TNIP1: variants seen among roughly 807,000 people sequenced by gnomAD.
TNIP1 encodes the protein TNFAIP3 interacting protein 1, also known as TNFAIP3-interacting protein 1.
TNIP1 carries 22 observed loss-of-function variants against 86.6 expected under a neutral mutation model. The observed-to-expected ratio is 0.25, with a 90% confidence interval of 0.18 to 0.36. TNIP1 has a LOEUF of 0.36. Ranked by LOEUF, TNIP1 falls within the 10% of genes least tolerant of loss-of-function variation. TNIP1 has a pLI of 1.00. For missense variants in TNIP1, 709 were observed against 820.6 expected, an observed-to-expected ratio of 0.86 and a Z score of 1.66; for synonymous variants, 294 against 313.0, an observed-to-expected ratio of 0.94 and a Z score of 0.64.
intron 9 of TNIP1, among the ~76,000 whole-genome samples, chr5:151,045,574 A>T (rs1759051124): frequency 6.6e-6 from 1 of 152,158 alleles, no homozygotes; most frequent in Non-Finnish European, 1.5e-5. Context: ...CCACCATCCA[A>T]GGTCTACCAT....
intron 1 of TNIP1, among the ~76,000 whole-genome samples, chr5:151,070,129 C>G (rs1338977391): frequency 1.3e-5 from 2 of 152,148 alleles, no homozygotes; most frequent in African/African-American, 4.8e-5. Flanking sequence ...ATCTGTAAAG[C>G]AGGAGTAATA....
rs138466555 is a variant in TNIP1 at position 151,060,424 on chromosome 5, C to T, written c.358-29G>A. ...TGCAGAAAGGAAGTTAGGTGCTGCCCGAGAGAAAAACAGCTCACCCCTCCT... is the reference window on the plus strand; with the variant it reads ...TGCAGAAAGGAAGTTAGGTGCTGCCTGAGAGAAAAACAGCTCACCCCTCCT... On this transcript the variant is annotated intron_variant, in intron 4 of 17. Transcript: ENST00000521591. The T allele has an allele frequency of 2.4e-4, 389 of 1,611,910 alleles. 2 individuals carry two copies. In the African/African-American group the frequency reaches 4.0e-3, roughly 17 times the overall value.
In TNIP1 at chr5:151,052,213, T is replaced by C. The variant is rs1381853643; in HGVS notation, c.674A>G (p.Lys225Arg). ...LRKENEALKA[K>R]LDKGLEQRDQ... ...CCGCTGTTCCAGGCCCTTATCCAAC[T>C]TGGCCTTCAGAGCCTCGTTCTCCTT... Residue 225 changes from lysine to arginine, a missense_variant, in exon 7 of 18, where the codon AAG becomes AGG. Physicochemically the swap from Lys to Arg is conservative, Grantham distance 26. Transcript: ENST00000521591. The C allele has an allele frequency of 1.2e-6, 2 of 1,614,056 alleles. No homozygotes were observed. Among genetic ancestry groups the C allele is most frequent in the Non-Finnish European group, 1.7e-6 (2 of 1,179,980 alleles).
Position 151,063,762 on chromosome 5 carries a change from G to A in TNIP1, c.137-15C>T. On this transcript the variant is annotated splice_polypyrimidine_tract_variant and intron_variant, in intron 2 of 17. Transcript: ENST00000521591. Reference sequence around the variant, plus strand: ...CAAAAGCTCCCCTAGAGTTATTGGGGAAGAGGAAGCAAAAGCATTTACTCG... The same window carrying A: ...CAAAAGCTCCCCTAGAGTTATTGGGAAAGAGGAAGCAAAAGCATTTACTCG... 1.2e-6 allele frequency: 2 copies of A among 1,609,558 alleles called. No homozygotes were observed. Among genetic ancestry groups the A allele is most frequent in the Non-Finnish European group, 1.7e-6 (2 of 1,176,512 alleles).
At position 151,032,383 on chromosome 5, in the gene TNIP1, G is replaced by A. The variant is rs772854284; in HGVS notation, c.1780C>T (p.Pro594Ser). ...PLPNSRLFHL[P>S]EYTWRLPCGG... Reference sequence around the variant, plus strand: ...CAGGGTAGACGCCAGGTGTATTCCGGCTGCGACAAAACTGGTGCTTAATAA... The same window carrying A: ...CAGGGTAGACGCCAGGTGTATTCCGACTGCGACAAAACTGGTGCTTAATAA... The change falls in exon 17 of 18, where the codon CCG becomes TCG. Residue 594 changes from proline (P) to serine (S), a missense_variant and splice_region_variant. Coordinates refer to ENST00000521591, the MANE Select transcript of TNIP1 (RefSeq NM_006058.5). 6.2e-7 allele frequency: 1 copy of A among 1,613,980 alleles called. No individual in the cohort carries two copies. Among genetic ancestry groups the A allele is most frequent in the South Asian group, 1.1e-5 (1 of 91,048 alleles).
At chr5:151,062,573 T>G (rs947118938) in intron 3 of TNIP1, among the ~76,000 whole-genome samples, 1 of 152,180 alleles carries the variant, frequency 6.6e-6, no homozygotes, top group Non-Finnish European at 1.5e-5. Context: ...TATCCCCATT[T>G]TAAAGGTCAG....
At chr5:151,086,596 C>A (rs1187286188) in intron 1 of TNIP1, among the ~76,000 whole-genome samples, 1 of 152,184 alleles carries the variant, frequency 6.6e-6, no homozygotes, top group Non-Finnish European at 1.5e-5. Context: ...GATACACACA[C>A]AAATACACAC....
chr5:151,037,024 A>G, intron 12 of TNIP1, 103 bp from the exon 13 acceptor site: 1 of 1,385,950 alleles, frequency 7.2e-7, no homozygotes, highest in African/African-American at 1.5e-5. Context: ...TAATCATACT[A>G]ATAATAGCCA....
Position 151,060,425 on chromosome 5 carries a change from G to A in TNIP1, c.358-30C>T, listed in dbSNP as rs367735068. 160 of 1,610,718 alleles carry A rather than the reference G, an allele frequency of 9.9e-5. 1 individual carries two copies. Among genetic ancestry groups the A allele is most frequent in the South Asian group, 7.4e-4 (67 of 90,988 alleles). ...GCAGAAAGGAAGTTAGGTGCTGCCC[G>A]AGAGAAAAACAGCTCACCCCTCCTC... On this transcript the variant is annotated intron_variant, in intron 4 of 17. Transcript: ENST00000521591.
chr5:151,030,624 A>G lies in TNIP1; in HGVS notation c.*89T>C. 1 of 1,602,104 alleles carries G rather than the reference A, an allele frequency of 6.2e-7. No homozygotes were observed. Among genetic ancestry groups the G allele is most frequent in the Non-Finnish European group, 8.5e-7 (1 of 1,173,126 alleles). ...CTCTCATCCAGCTGAGGCTCTGGCC[A>G]CACCGTGCAAGTGGCTTCTAGTTTC... On this transcript the variant is annotated 3_prime_UTR_variant, in exon 18 of 18. Transcript: ENST00000521591.
intron 1 of TNIP1, among the ~76,000 whole-genome samples, chr5:151,068,803 C>T (rs1561531773): frequency 6.7e-6 from 1 of 149,962 alleles, no homozygotes; most frequent in Non-Finnish European, 1.5e-5. Flanking sequence ...CAGGCCCCCA[C>T]CACATCTTCT....
At chr5:151,074,326 T>C (rs1481981202) in intron 1 of TNIP1, among the ~76,000 whole-genome samples, 2 of 152,198 alleles carry the variant, frequency 1.3e-5, no homozygotes, top group South Asian at 2.1e-4. Flanking sequence ...CGCAGGAGGA[T>C]GGCCTGAAAC....
chr5:151,060,471 C>T (rs1581855142), intron 4 of TNIP1, 76 bp from the exon 5 acceptor site: 2 of 1,335,006 alleles, frequency 1.5e-6, no homozygotes, highest in Non-Finnish European at 2.1e-6. Context: ...TGGCTGAGAG[C>T]AGCAAGGGGG....
At chr5:151,037,068 A>G in intron 12 of TNIP1, 147 bp from the exon 13 acceptor site, 1 of 964,018 alleles carries the variant, frequency 1.0e-6, no homozygotes. Context: ...ATGCTGCCCT[A>G]TTTATTTGCA....
In TNIP1 at chr5:151,052,260, C is replaced by G; in HGVS notation, c.628-1G>C. On this transcript the variant is annotated splice_acceptor_variant, in intron 6 of 17. Transcript: ENST00000521591. LOFTEE classifies it high-confidence loss of function. Reference sequence around the variant, plus strand: ...CCTTCCGAAGCTGCTCACACAGGGTCTGTGGGGCAGGGGAACAGACAGGGT... The same window carrying G: ...CCTTCCGAAGCTGCTCACACAGGGTGTGTGGGGCAGGGGAACAGACAGGGT... 6.2e-7 allele frequency: 1 copy of G among 1,613,282 alleles called. No individual in the cohort carries two copies. Among genetic ancestry groups the G allele is most frequent in the South Asian group, 1.1e-5 (1 of 90,886 alleles).
At position 151,072,317 on chromosome 5, in the gene TNIP1, T is replaced by C. The variant is rs573535785; in HGVS notation, c.-36-7186A>G. 9.9e-5 allele frequency among the ~76,000 whole-genome samples: 15 copies of C among 152,254 alleles called. No individual in the cohort carries two copies. The South Asian group carries it at 2.9e-3, about 29-fold the overall frequency. ...GTCTCTAGCTTTATATGCAACCAGG[T>C]GGCAATCTGCCCCACATCACCTGCA... On this transcript the variant is annotated intron_variant, in intron 1 of 17. Coordinates refer to ENST00000521591, the MANE Select transcript of TNIP1 (RefSeq NM_006058.5).
At chr5:151,081,711 A>G (rs545183466), upstream of TNIP1, among the ~76,000 whole-genome samples, 195 of 152,284 alleles carry the variant, frequency 1.3e-3, 2 homozygotes, top group South Asian at 0.016. Flanking sequence ...TTGAGTCACA[A>G]AAAGGTTAGA....
chr5:151,082,907 A>G (rs1393926639), upstream of TNIP1, among the ~76,000 whole-genome samples: 1 of 152,228 alleles, frequency 6.6e-6, no homozygotes, highest in Non-Finnish European at 1.5e-5. Flanking sequence ...GTTAGAGACC[A>G]TGGAGCCCAT....
intron 1 of TNIP1, among the ~76,000 whole-genome samples, chr5:151,079,426 C>G (rs1050033295): frequency 3.9e-5 from 6 of 152,240 alleles, no homozygotes; most frequent in African/African-American, 1.4e-4. Context: ...GAGTTTGAGA[C>G]CAGCCTGGCC....
Sources: gnomAD v4.1 joint callset for allele counts (sites outside exome capture counted in the v4.1 genomes callset) on GRCh38, gnomAD v4.1.1 for gene constraint, MANE v1.5 for transcripts, NCBI Gene and HGNC (gene_info 2026-07-23, HGNC 2026-07-21) for gene names.